The following IMMP2L variants were observed in gnomAD, a reference collection of about 807,000 sequenced individuals.
IMMP2L encodes inner mitochondrial membrane peptidase subunit 2.
Under a neutral mutation model 19.3 loss-of-function variants are expected in IMMP2L, and 18 were observed. The ratio of observed to expected loss-of-function variants is 0.93; its 90% confidence interval spans 0.64 to 1.38. IMMP2L has a LOEUF of 1.38. IMMP2L is among the 40% of genes most tolerant of loss of function. IMMP2L has a pLI of 0.00. For missense variants in IMMP2L, 233 were observed against 218.2 expected, an observed-to-expected ratio of 1.07 and a Z score of -0.43; for synonymous variants, 76 against 73.0, an observed-to-expected ratio of 1.04 and a Z score of -0.21.
chr7:111,372,995 A>C (rs1224571948), intron 3 of IMMP2L, among the ~76,000 whole-genome samples: 1 of 152,022 alleles, frequency 6.6e-6, no homozygotes, highest in Non-Finnish European at 1.5e-5. Context: ...GAAGGAACCT[A>C]TAAAATTATC....
At chr7:111,188,541 T>G (rs1808519947) in intron 3 of IMMP2L, among the ~76,000 whole-genome samples, 1 of 152,050 alleles carries the variant, frequency 6.6e-6, no homozygotes, top group African/African-American at 2.4e-5. Context: ...AATACCATCA[T>G]ATTTGGAGTT....
intron 5 of IMMP2L, among the ~76,000 whole-genome samples, chr7:110,735,475 A>G (rs1478260064): frequency 6.6e-6 from 1 of 151,900 alleles, no homozygotes; most frequent in Non-Finnish European, 1.5e-5. Flanking sequence ...GGCCACTTCA[A>G]AAGGAAGCCA....
chr7:110,908,668 A>C (rs1031617562), intron 4 of IMMP2L, among the ~76,000 whole-genome samples: 5 of 152,368 alleles, frequency 3.3e-5, no homozygotes, highest in Admixed American at 2.0e-4. Context: ...TTATGCTTTC[A>C]ACTATTTATG....
chr7:110,944,198 G>A (rs898987954), intron 4 of IMMP2L, among the ~76,000 whole-genome samples: 1 of 151,852 alleles, frequency 6.6e-6, no homozygotes, highest in African/African-American at 2.4e-5. Context: ...CGGACCTCAG[G>A]GAGCTCACAG....
intron 3 of IMMP2L, among the ~76,000 whole-genome samples, chr7:111,121,795 A>T (rs1395806811): frequency 2.0e-5 from 3 of 152,236 alleles, no homozygotes; most frequent in Non-Finnish European, 2.9e-5. Context: ...TTATTGCAGC[A>T]GTATTCACAA....
At chr7:111,393,706 C>A (rs1414419592) in intron 3 of IMMP2L, among the ~76,000 whole-genome samples, 1 of 152,150 alleles carries the variant, frequency 6.6e-6, no homozygotes, top group African/African-American at 2.4e-5. Flanking sequence ...CTACCACCAT[C>A]CCTCACGCCC....
chr7:111,111,391 A>C (rs1188091260), intron 3 of IMMP2L, among the ~76,000 whole-genome samples: 1 of 149,386 alleles, frequency 6.7e-6, no homozygotes, highest in Non-Finnish European at 1.5e-5. Flanking sequence ...CACAAATTAC[A>C]CTGCTTTCCA....
intron 1 of IMMP2L, among the ~76,000 whole-genome samples, chr7:111,534,490 T>C (rs969082798): frequency 6.6e-6 from 1 of 152,082 alleles, no homozygotes; most frequent in African/African-American, 2.4e-5. Context: ...TAATAAAGAA[T>C]ATGAACCAAA....
chr7:111,386,603 T>C (rs929239275), intron 3 of IMMP2L, among the ~76,000 whole-genome samples: 5 of 152,024 alleles, frequency 3.3e-5, no homozygotes, highest in African/African-American at 4.8e-5. Context: ...AAGAAGCAAG[T>C]AAAGTTACAG....
chr7:111,318,596 A>C, intron 3 of IMMP2L, among the ~76,000 whole-genome samples: 1 of 152,138 alleles, frequency 6.6e-6, no homozygotes, highest in South Asian at 2.1e-4. Flanking sequence ...GATCAATTCA[A>C]ATGAGAAATT....
At chr7:110,824,315 G>A (rs1256213766) in intron 5 of IMMP2L, among the ~76,000 whole-genome samples, 1 of 151,988 alleles carries the variant, frequency 6.6e-6, no homozygotes, top group Non-Finnish European at 1.5e-5. Flanking sequence ...TCTATTCACA[G>A]AAAACTGCTA....
intron 3 of IMMP2L, among the ~76,000 whole-genome samples, chr7:111,214,514 T>G (rs568881342): frequency 1.0e-3 from 151 of 144,100 alleles, no homozygotes; most frequent in Non-Finnish European, 1.8e-3. Context: ...GTTTTTTTTT[T>G]TTTTTTTTTT....
At chr7:110,810,970 C>T (rs11762692) in intron 5 of IMMP2L, among the ~76,000 whole-genome samples, 7 of 152,028 alleles carry the variant, frequency 4.6e-5, no homozygotes, top group East Asian at 3.9e-4. Context: ...AGGTCAGCAA[C>T]GTAGAACCCT....
At chr7:111,048,164 C>A (rs143862068) in intron 3 of IMMP2L, among the ~76,000 whole-genome samples, 2 of 129,950 alleles carry the variant, frequency 1.5e-5, no homozygotes, top group Admixed American at 9.5e-5. Flanking sequence ...GGCGTGAACC[C>A]GGGAGGCAGA....
At chr7:111,541,261 C>A (rs993174727) in intron 1 of IMMP2L, among the ~76,000 whole-genome samples, 2 of 152,158 alleles carry the variant, frequency 1.3e-5, no homozygotes, top group African/African-American at 4.8e-5. Flanking sequence ...TTTCTGACTT[C>A]TGCTACAAGG....
At chr7:110,827,334 A>G (rs1803589090) in intron 5 of IMMP2L, among the ~76,000 whole-genome samples, 1 of 152,162 alleles carries the variant, frequency 6.6e-6, no homozygotes, top group Non-Finnish European at 1.5e-5. Flanking sequence ...CACACTGCTT[A>G]GGAGACTTTT....
intron 3 of IMMP2L, among the ~76,000 whole-genome samples, chr7:111,287,943 A>T (rs1451072225): frequency 6.6e-6 from 1 of 152,202 alleles, no homozygotes; most frequent in African/African-American, 2.4e-5. Context: ...ATCTATCCAA[A>T]TTCCAATCAA....
chr7:110,924,518 A>T lies in IMMP2L; in HGVS notation c.306-37823T>A, dbSNP rs1814641901. ...TTTCTCTCACTATGGGGAACTGGGC[A>T]GGCCGGTTTTAATATTAGATATTCT... On this transcript the variant is annotated intron_variant, in intron 4 of 5. Coordinates refer to ENST00000405709, the MANE Select transcript of IMMP2L (RefSeq NM_032549.4). This position sits in a 1 kb window ranked among gnomAD's most constrained non-coding sequence, Gnocchi z 4.2. Among the ~76,000 whole-genome samples, 1 of 152,146 alleles carries T rather than the reference A, an allele frequency of 6.6e-6. No individual in the cohort carries two copies. The highest frequency in any genetic ancestry group is 6.6e-5 in the Admixed American group (1 of 15,256).
chr7:111,269,449 G>C (rs1034466966), intron 3 of IMMP2L, among the ~76,000 whole-genome samples: 1 of 152,018 alleles, frequency 6.6e-6, no homozygotes, highest in Admixed American at 6.6e-5. Context: ...AAAGTGGCAA[G>C]TACAAAAATT....
Sources: gnomAD v4.1 joint callset for allele counts (sites outside exome capture counted in the v4.1 genomes callset) on GRCh38, gnomAD v4.1.1 for gene constraint, Gnocchi (gnomAD v3.1) non-coding constraint, MANE v1.5 for transcripts, NCBI Gene and HGNC (gene_info 2026-07-23, HGNC 2026-07-21) for gene names.